Variants in PRKD3 observed in about 807,000 individuals in gnomAD.
The protein encoded by PRKD3 is serine/threonine-protein kinase D3.
Under a neutral mutation model 99.2 loss-of-function variants are expected in PRKD3, and 47 were observed. The observed-to-expected ratio is 0.47, with a 90% CI of 0.38 to 0.60. The LOEUF (loss-of-function observed/expected upper bound fraction) is 0.60. Ranked by LOEUF, PRKD3 falls within the 20% of genes least tolerant of loss-of-function variation. The pLI, the probability that PRKD3 is intolerant of heterozygous loss-of-function variation, is 0.00. For synonymous variants in PRKD3, 392 were observed against 355.4 expected (o/e 1.10, Z -1.16); for missense variants, 1,019 against 1,088.4 (o/e 0.94, Z 0.90).
intron 14 of PRKD3, among the ~76,000 whole-genome samples, chr2:37,263,368 C>T (rs769315045): frequency 2.6e-5 from 4 of 152,104 alleles, no homozygotes; most frequent in South Asian, 2.1e-4. Flanking sequence ...ACTGTTTATA[C>T]GACTGCTTTT....
At chr2:37,269,281 G>A (rs1669059472) in intron 13 of PRKD3, 1 of 274,636 alleles carries the variant, frequency 3.6e-6, no homozygotes, top group East Asian at 7.6e-5. Flanking sequence ...AACTAGTAGG[G>A]AATATACTTC....
chr2:37,291,291 A>G (rs968322511), intron 3 of PRKD3, among the ~76,000 whole-genome samples: 2 of 152,266 alleles, frequency 1.3e-5, no homozygotes, highest in African/African-American at 2.4e-5. Flanking sequence ...ACTTTAACCA[A>G]TTAAAAACTG....
At chr2:37,317,445 A>G (rs1169508416) in intron 1 of PRKD3, among the ~76,000 whole-genome samples, 2 of 149,386 alleles carry the variant, frequency 1.3e-5, no homozygotes, top group African/African-American at 5.2e-5. Context: ...AATTTACCTC[A>G]TTTTTAATCA....
chr2:37,284,864 C>T (rs1349148469), intron 6 of PRKD3, among the ~76,000 whole-genome samples: 1 of 152,048 alleles, frequency 6.6e-6, no homozygotes, highest in Non-Finnish European at 1.5e-5. Flanking sequence ...CATATGTATA[C>T]ATGTGCCATG....
At position 37,296,486 on chromosome 2, in the gene PRKD3, C is replaced by T. The variant is rs115375225; in HGVS notation, c.289-3215G>A. 2.4e-3 allele frequency among the ~76,000 whole-genome samples: 362 copies of T among 151,476 alleles called. 2 individuals carry two copies. The highest frequency in any genetic ancestry group is 3.9e-3 in the Non-Finnish European group (268 of 67,928). On this transcript the variant is annotated intron_variant, in intron 2 of 18. Transcript: ENST00000234179. ...TGTTTTCATACTATACTCATCTATA[C>T]GACAGACAAATTAGAGTTCATAAAG...
At chr2:37,320,493 G>A (rs537250266) in intron 1 of PRKD3, among the ~76,000 whole-genome samples, 13 of 142,542 alleles carry the variant, frequency 9.1e-5, no homozygotes, top group Admixed American at 4.4e-4. Context: ...GTACAGTGGC[G>A]CGATCTTGAC....
intron 2 of PRKD3, among the ~76,000 whole-genome samples, chr2:37,306,799 A>T (rs992350327): frequency 2.0e-5 from 3 of 152,196 alleles, no homozygotes; most frequent in Non-Finnish European, 4.4e-5. Context: ...ACAGAGCAAG[A>T]TCCTGTCTCA....
intron 2 of PRKD3, among the ~76,000 whole-genome samples, chr2:37,296,541 A>G (rs1670681170): frequency 6.6e-6 from 1 of 152,088 alleles, no homozygotes. Context: ...CCAGCCTGTG[A>G]AAAAGATTTC....
intron 7 of PRKD3, among the ~76,000 whole-genome samples, chr2:37,280,674 T>A (rs891726960): frequency 2.0e-5 from 3 of 152,170 alleles, no homozygotes; most frequent in African/African-American, 7.2e-5. Flanking sequence ...GGAGAAAGCA[T>A]GAGAGTAGAT....
intron 1 of PRKD3, among the ~76,000 whole-genome samples, chr2:37,321,514 C>T (rs1671883035): frequency 6.6e-6 from 1 of 152,280 alleles, no homozygotes; most frequent in South Asian, 2.1e-4. Flanking sequence ...ATTTTTAACA[C>T]TCTAATTAGG....
At chr2:37,289,594 CT>C in intron 4 of PRKD3, 81 bp from the exon 5 acceptor site, 1 of 1,169,974 alleles carries the variant, frequency 8.5e-7, no homozygotes, top group South Asian at 1.7e-5. Context: ...ACCACTGCTT[CT>C]TTTATTTAAC....
rs748993443 is a variant in PRKD3 at position 37,254,213 on chromosome 2, G to C, written c.2490C>G (p.Pro830=). The C allele has an allele frequency of 1.2e-6, 2 of 1,609,374 alleles. No individual in the cohort carries two copies. The highest frequency in any genetic ancestry group is 1.7e-6 in the Non-Finnish European group (2 of 1,175,858). The change falls in exon 18 of 19, where the codon CCC becomes CCG. Residue 830 remains proline (P), a synonymous_variant. Coordinates refer to ENST00000234179, the MANE Select transcript of PRKD3 (RefSeq NM_005813.6). ...RYSVDKSLSH[P]WLQDYQTWLD... ...TTACATTTTTTTTTACCTGTAGCCAGGGATGACTAAGAGATTTGTCAACAC... is the reference window on the plus strand; with the variant it reads ...TTACATTTTTTTTTACCTGTAGCCACGGATGACTAAGAGATTTGTCAACAC...
chr2:37,297,089 G>A (rs1235991869), intron 2 of PRKD3, among the ~76,000 whole-genome samples: 1 of 151,830 alleles, frequency 6.6e-6, no homozygotes, highest in African/African-American at 2.4e-5. Context: ...AATATACAAG[G>A]ATTTACTGTT....
chr2:37,253,981 C>G (rs1667731604), intron 18 of PRKD3, among the ~76,000 whole-genome samples: 1 of 152,140 alleles, frequency 6.6e-6, no homozygotes, highest in Admixed American at 6.6e-5. Context: ...ACACATAGGT[C>G]TATGAAAGGC....
intron 13 of PRKD3, chr2:37,268,819 T>C (rs2300886): frequency 0.17 from 25,737 of 154,074 alleles, 2,674 homozygotes; most frequent in East Asian, 0.35. Flanking sequence ...AGGGATAAAT[T>C]ACAGCAGCCT....
At position 37,285,773 on chromosome 2, in the gene PRKD3, C is replaced by CTTAA. The variant is rs371647334; in HGVS notation, c.910+400_910+403dup. Among the ~76,000 whole-genome samples, 675 of 152,228 alleles carry CTTAA rather than the reference C, an allele frequency of 4.4e-3. 3 individuals carry two copies. Among genetic ancestry groups the CTTAA allele is most frequent in the Non-Finnish European group, 7.9e-3 (535 of 67,998 alleles). ...TTTTTCTGTTTACTAGCTACATGATCTTAAGCAAGTTACCTAATCTATGTC... is the reference window on the plus strand; with the variant it reads ...TTTTTCTGTTTACTAGCTACATGATCTTAATTAAGCAAGTTACCTAATCTATGTC... On this transcript the variant is annotated intron_variant, in intron 6 of 18. Transcript: ENST00000234179.
At position 37,282,578 on chromosome 2, in the gene PRKD3, G is replaced by C; in HGVS notation, c.952C>G (p.Pro318Ala). The change falls in exon 7 of 19, where the codon CCA becomes GCA. Residue 318 changes from proline (P) to alanine (A), a missense_variant. By Grantham distance (27) the Pro-to-Ala change is conservative. Coordinates refer to ENST00000234179, the MANE Select transcript of PRKD3 (RefSeq NM_005813.6). ...NCHKRCASKV[P>A]RDCLGEVTFN... ...GTAACCTCTCCAAGGCAGTCTCTTG[G>C]TACTTTTGATGCACAGCGTTTATGG... 6.2e-7 allele frequency: 1 copy of C among 1,603,180 alleles called. No individual in the cohort carries two copies. The highest frequency in any genetic ancestry group is 1.1e-5 in the South Asian group (1 of 90,786).
At chr2:37,253,587 A>T (rs1667690231) in intron 18 of PRKD3, among the ~76,000 whole-genome samples, 1 of 152,072 alleles carries the variant, frequency 6.6e-6, no homozygotes, top group East Asian at 1.9e-4. Context: ...TTCTGAAATT[A>T]AAAAAAATTT....
intron 2 of PRKD3, among the ~76,000 whole-genome samples, chr2:37,307,407 A>G (rs912514996): frequency 6.6e-6 from 1 of 152,212 alleles, no homozygotes; most frequent in Admixed American, 6.5e-5. Flanking sequence ...TTATCTGACA[A>G]TCTAAGCTAG....
Sources: gnomAD v4.1 joint callset for allele counts (sites outside exome capture counted in the v4.1 genomes callset) on GRCh38, gnomAD v4.1.1 for gene constraint, MANE v1.5 for transcripts, NCBI Gene and HGNC (gene_info 2026-07-23, HGNC 2026-07-21) for gene names.